SNAI3: variants seen among roughly 807,000 people sequenced by gnomAD.
SNAI3 encodes the protein snail family transcriptional repressor 3, also known as zinc finger protein SNAI3.
Under a neutral mutation model 16.4 loss-of-function variants are expected in SNAI3, and 21 were observed. The ratio of observed to expected loss-of-function variants is 1.28; its 90% CI spans 0.91 to 1.85. SNAI3 has a LOEUF of 1.85. Among genes scored for constraint, SNAI3 ranks in the 40% most tolerant of loss-of-function variants. The pLI is 0.00. For missense variants in SNAI3, 457 were observed against 372.8 expected (o/e 1.23, Z -1.86); for synonymous variants, 202 against 166.6 (o/e 1.21, Z -1.64).
chr16:88,678,085 C>T lies in SNAI3; in HGVS notation c.*363G>A. 4.5e-6 allele frequency: 1 copy of T among 221,616 alleles called. No homozygotes were observed. Among genetic ancestry groups the T allele is most frequent in the Non-Finnish European group, 9.0e-6 (1 of 111,640 alleles). The allele number at this position is 221,616 out of a possible 1,614,324, so 13.7% of individuals were successfully genotyped here. A position where few individuals can be genotyped will look rare whatever the true frequency, so the allele number is the denominator to read the frequency against. The stretch of plus-strand genomic sequence containing the variant: ...AATGGAACTAGGCAGCCTTGCCAGC[C>T]ATCCGGCGGCAGTGCCGGCCCATGC... On this transcript the variant is annotated 3_prime_UTR_variant, in exon 3 of 3. Transcript: ENST00000332281.
Position 88,681,455 on chromosome 16 carries a change from G to T in SNAI3, c.336C>A (p.Leu112=). 1 of 1,599,940 alleles carries T rather than the reference G, an allele frequency of 6.3e-7. No individual in the cohort carries two copies. The highest frequency in any genetic ancestry group is 8.5e-7 in the Non-Finnish European group (1 of 1,170,154). ...GCAGCACCAGCAGTGGGGGCAGGTT[G>T]AGGTGGTTCAGGCTGTCTTTGAGGG... ...IVPLKDSLNH[L]NLPPLLVLPT... is the part of the protein sequence containing the mutation. The change falls in exon 2 of 3, where the codon CTC becomes CTA. Residue 112 remains leucine (L), a synonymous_variant. Transcript: ENST00000332281. The surrounding 1 kb of genome is among the most constrained non-coding windows in gnomAD (Gnocchi z 5.4).
Position 88,681,033 on chromosome 16 carries a change from C to T in SNAI3, c.697+61G>A. The T allele has an allele frequency of 2.6e-6, 4 of 1,561,756 alleles. No individual in the cohort carries two copies. Among genetic ancestry groups the T allele is most frequent in the Non-Finnish European group, 3.5e-6 (4 of 1,149,492 alleles). On this transcript the variant is annotated intron_variant, in intron 2 of 2. Transcript: ENST00000332281. The surrounding 1 kb of genome is among the most constrained non-coding windows in gnomAD (Gnocchi z 5.4). ...AATCACCCCTCCTCCTTTTCTAACT[C>T]CCGCAGCCCACCCTCTTCCCCCAGC...
At position 88,681,207 on chromosome 16, in the gene SNAI3, A is replaced by C. The variant is rs1403646114; in HGVS notation, c.584T>G (p.Leu195Arg). The C allele has an allele frequency of 6.2e-7, 1 of 1,613,728 alleles. No individual in the cohort carries two copies. The highest frequency in any genetic ancestry group is 1.3e-5 in the African/African-American group (1 of 74,908). ...CKYCDKEYTSLGALKMHIRTH... is the reference protein window; with the variant it reads ...CKYCDKEYTSRGALKMHIRTH... ...GCGGATGTGCATCTTGAGGGCACCC[A>C]GGCTGGTGTACTCCTTGTCGCAGTA... Residue 195 changes from leucine (L) to arginine (R), a missense_variant, in exon 2 of 3, where the codon CTG becomes CGG. By Grantham distance (102) the Leu-to-Arg change is moderately radical (BLOSUM62 -2). Transcript: ENST00000332281. This position sits in a 1 kb window ranked among gnomAD's most constrained non-coding sequence, Gnocchi z 5.4.
chr16:88,681,814 C>A lies in SNAI3; in HGVS notation c.77-100G>T. The A allele has an allele frequency of 7.9e-7, 1 of 1,259,890 alleles. No homozygotes were observed. The highest frequency in any genetic ancestry group is 3.1e-5 in the South Asian group (1 of 32,470). The allele number at this position is 1,259,890 out of a possible 1,614,324, so 78.0% of individuals were successfully genotyped here. A position where few individuals can be genotyped will look rare whatever the true frequency, so the allele number is the denominator to read the frequency against. On this transcript the variant is annotated intron_variant, in intron 1 of 2. Transcript: ENST00000332281. The surrounding 1 kb of genome is among the most constrained non-coding windows in gnomAD (Gnocchi z 5.4). ...CGTGGACCCAGTCACAGCCCATCAG[C>A]AGCCTGGCGTGGGAGGTGTAGCCGG...
intron 2 of SNAI3, among the ~76,000 whole-genome samples, chr16:88,679,777 A>G (rs1475730955): frequency 5.2e-4 from 74 of 142,540 alleles, no homozygotes; most frequent in African/African-American, 2.0e-3. Context: ...AAAAAAAAAA[A>G]AAAAAGAAAA....
chr16:88,683,043 C>T (rs954459928), intron 1 of SNAI3, among the ~76,000 whole-genome samples: 16 of 148,900 alleles, frequency 1.1e-4, no homozygotes, highest in Non-Finnish European at 2.1e-4. Context: ...TCCCAAAGTG[C>T]TGGGATCACA....
chr16:88,686,489 T>C lies in SNAI3; in HGVS notation c.-83A>G. The C allele has an allele frequency of 6.4e-7, 1 of 1,557,902 alleles. No homozygotes were observed. The highest frequency in any genetic ancestry group is 8.6e-7 in the Non-Finnish European group (1 of 1,158,898). ...CCGGACTGCTGCGTCCGCCGGCGCT[T>C]GAAGGGGTCAGGCTCATTAGCATAG... On this transcript the variant is annotated 5_prime_UTR_variant, in exon 1 of 3. Coordinates refer to ENST00000332281, the MANE Select transcript of SNAI3 (RefSeq NM_178310.4).
intron 1 of SNAI3, among the ~76,000 whole-genome samples, chr16:88,682,222 C>A (rs746594043): frequency 5.3e-5 from 8 of 152,188 alleles, no homozygotes; most frequent in African/African-American, 9.7e-5. Context: ...TCCAGTCACC[C>A]CACAGTCGCC....
chr16:88,681,701 G>C lies in SNAI3; in HGVS notation c.90C>G (p.Ala30=), dbSNP rs759993580. The C allele has an allele frequency of 6.8e-7, 1 of 1,463,248 alleles. No homozygotes were observed. The highest frequency in any genetic ancestry group is 2.5e-5 in the Admixed American group (1 of 40,422). The allele number at this position is 1,463,248 out of a possible 1,614,324, so 90.6% of individuals were successfully genotyped here. A position where few individuals can be genotyped will look rare whatever the true frequency, so the allele number is the denominator to read the frequency against. ...CCACCAGCCCCCCACAGGCAGAGCA[G>C]GCACCATTGATTTCTAGAGGGGTGG... ...RLETQREING[A]CSACGGLVVP... Residue 30 remains alanine, a synonymous_variant, in exon 2 of 3, where the codon GCC becomes GCG. Coordinates refer to ENST00000332281, the MANE Select transcript of SNAI3 (RefSeq NM_178310.4). The surrounding 1 kb of genome is among the most constrained non-coding windows in gnomAD (Gnocchi z 5.4).
intron 1 of SNAI3, 73 bp downstream of exon 1, chr16:88,686,258 C>T: frequency 1.3e-6 from 2 of 1,540,520 alleles, no homozygotes; most frequent in East Asian, 2.4e-5. Flanking sequence ...CCCCCGCTCC[C>T]AGGGGCCTCT....
chr16:88,681,286 T>TGGCCAGCCC lies in SNAI3; in HGVS notation c.496_504dup (p.Gly166_Ala168dup). ...AGGTGGCAGTGCAGCTGCCGGTGCC[T>TGGCCAGCCC]GGCCAGCCCGGCCAGCGTGTGGTAG... is the stretch of plus-strand genomic sequence containing the variant. On this transcript the variant is annotated inframe_insertion, in exon 2 of 3. Coordinates refer to ENST00000332281, the MANE Select transcript of SNAI3 (RefSeq NM_178310.4). This position sits in a 1 kb window ranked among gnomAD's most constrained non-coding sequence, Gnocchi z 5.4. The TGGCCAGCCC allele has an allele frequency of 6.2e-7, 1 of 1,613,282 alleles. No individual in the cohort carries two copies. The highest frequency in any genetic ancestry group is 8.5e-7 in the Non-Finnish European group (1 of 1,179,892).
chr16:88,686,164 G>A, intron 1 of SNAI3, 167 bp downstream of exon 1: 4 of 840,578 alleles, frequency 4.8e-6, no homozygotes, highest in Non-Finnish European at 7.1e-6. Context: ...AGGCGCCCGT[G>A]GGCCACCTCC....
intron 2 of SNAI3, among the ~76,000 whole-genome samples, chr16:88,680,584 G>A (rs1485600983): frequency 6.6e-6 from 1 of 151,188 alleles, no homozygotes; most frequent in African/African-American, 2.4e-5. Flanking sequence ...CATGCCTGGT[G>A]GGTTTTTTTG....
chr16:88,685,358 C>T (rs1597394825), intron 1 of SNAI3: 1 of 152,376 alleles, frequency 6.6e-6, no homozygotes, highest in African/African-American at 2.4e-5. Flanking sequence ...GTGGGATCCC[C>T]CCCATCCCCA....
intron 2 of SNAI3, among the ~76,000 whole-genome samples, chr16:88,680,070 G>A (rs1278499701): frequency 7.5e-6 from 1 of 133,938 alleles, no homozygotes; most frequent in Non-Finnish European, 1.6e-5. Flanking sequence ...AATAGAGTGA[G>A]ACCCTGCCTC....
At chr16:88,679,519 T>C (rs11647550) in intron 2 of SNAI3, among the ~76,000 whole-genome samples, 31,676 of 151,890 alleles carry the variant, frequency 0.21, 3,609 homozygotes, top group Middle Eastern at 0.3. Context: ...CCCAGCACTT[T>C]GGGAGGCCGA....
intron 1 of SNAI3, among the ~76,000 whole-genome samples, chr16:88,683,588 A>C (rs1219149424): frequency 7.2e-5 from 6 of 83,832 alleles, no homozygotes; most frequent in South Asian, 3.5e-4. Flanking sequence ...CTGGAGTCTC[A>C]CTCTTGTCGC....
Position 88,681,111 on chromosome 16 carries a change from T to G in SNAI3, c.680A>C (p.His227Pro), listed in dbSNP as rs1247697180. ...TGTCCTACCTGTGTGGGTGCGGACA[T>G]GGCCCTGCAGTAACCAGGGCCTGGA... ...AFSRPWLLQG[H>P]VRTHTGEKPY... is the part of the protein sequence containing the mutation. The change falls in exon 2 of 3, where the codon CAT becomes CCT. Residue 227 changes from histidine (H) to proline (P), a missense_variant. Transcript: ENST00000332281. This position sits in a 1 kb window ranked among gnomAD's most constrained non-coding sequence, Gnocchi z 5.4. 1.2e-6 allele frequency: 2 copies of G among 1,611,598 alleles called. No homozygotes were observed. Among genetic ancestry groups the G allele is most frequent in the African/African-American group, 2.7e-5 (2 of 74,874 alleles).
At chr16:88,686,209 G>T in intron 1 of SNAI3, 122 bp downstream of exon 1, 1 of 1,272,706 alleles carries the variant, frequency 7.9e-7, no homozygotes, top group Non-Finnish European at 1.1e-6. Flanking sequence ...CAGAGGCGCT[G>T]GCTCCTTCTC....
Sources: gnomAD v4.1 joint callset for allele counts (sites outside exome capture counted in the v4.1 genomes callset) on GRCh38, gnomAD v4.1.1 for gene constraint, Gnocchi (gnomAD v3.1) non-coding constraint, MANE v1.5 for transcripts, NCBI Gene and HGNC (gene_info 2026-07-23, HGNC 2026-07-21) for gene names.